The following HS6ST3 variants were observed in gnomAD, a reference collection of about 807,000 sequenced individuals.
The protein encoded by HS6ST3 is heparan-sulfate 6-O-sulfotransferase 3.
A neutral mutation model predicts 36.7 loss-of-function variants in HS6ST3; 12 were observed. The ratio of observed to expected loss-of-function variants is 0.33; its 90% CI spans 0.21 to 0.53. The LOEUF (loss-of-function observed/expected upper bound fraction) is 0.53, where lower values mean the gene tolerates loss of function less well. HS6ST3 is among the 20% of genes least tolerant of loss of function. The pLI is 0.95. For missense variants in HS6ST3, 584 were observed against 640.9 expected (o/e 0.91, Z 0.96); for synonymous variants, 240 against 257.5 (o/e 0.93, Z 0.65).
chr13:96,212,307 A>G (rs573607385), intron 1 of HS6ST3, among the ~76,000 whole-genome samples: 1 of 152,228 alleles, frequency 6.6e-6, no homozygotes, highest in Non-Finnish European at 1.5e-5. Context: ...TTCTTTTGAA[A>G]ATATCCATGA....
chr13:96,204,953 C>T (rs115741286), intron 1 of HS6ST3, among the ~76,000 whole-genome samples: 2 of 151,910 alleles, frequency 1.3e-5, no homozygotes, highest in South Asian at 2.1e-4. Context: ...CAAACAAACT[C>T]GAAATCTAGC....
chr13:96,815,969 A>G (rs1878413581), intron 1 of HS6ST3, among the ~76,000 whole-genome samples: 1 of 152,080 alleles, frequency 6.6e-6, no homozygotes, highest in Non-Finnish European at 1.5e-5. Context: ...CTGCCCTTAG[A>G]AGGGGCAGGG....
intron 1 of HS6ST3, among the ~76,000 whole-genome samples, chr13:96,315,279 A>C (rs1005968561): frequency 6.6e-6 from 1 of 152,206 alleles, no homozygotes; most frequent in Non-Finnish European, 1.5e-5. Flanking sequence ...AAGAAACCGA[A>C]GAAAGGGACT....
chr13:96,161,436 G>A (rs1386101130), intron 1 of HS6ST3, among the ~76,000 whole-genome samples: 1 of 152,156 alleles, frequency 6.6e-6, no homozygotes, highest in African/African-American at 2.4e-5. Flanking sequence ...GATGGCTAGA[G>A]GGCAGAGTTT....
At chr13:96,367,139 G>C (rs1389544492) in intron 1 of HS6ST3, among the ~76,000 whole-genome samples, 1 of 152,124 alleles carries the variant, frequency 6.6e-6, no homozygotes, top group African/African-American at 2.4e-5. Flanking sequence ...GAATAATTAT[G>C]ATTTGCATTT....
chr13:96,756,928 CT>C (rs1166210885), intron 1 of HS6ST3, among the ~76,000 whole-genome samples: 1 of 152,114 alleles, frequency 6.6e-6, no homozygotes, highest in African/African-American at 2.4e-5. Flanking sequence ...ATACACATTT[CT>C]TTTCTTACAG....
chr13:96,343,733 TTTTG>T (rs1272287613), intron 1 of HS6ST3, among the ~76,000 whole-genome samples: 1 of 152,116 alleles, frequency 6.6e-6, no homozygotes, highest in African/African-American at 2.4e-5. Context: ...AATTACAGTT[TTTTG>T]TTTGTTTGTT....
At chr13:96,267,860 T>A (rs1209996074) in intron 1 of HS6ST3, among the ~76,000 whole-genome samples, 1 of 151,868 alleles carries the variant, frequency 6.6e-6, no homozygotes, top group African/African-American at 2.4e-5. Flanking sequence ...ATTGGGCTTA[T>A]CATGTGAGGA....
intron 1 of HS6ST3, among the ~76,000 whole-genome samples, chr13:96,667,401 G>GCCC (rs1021958843): frequency 3.3e-5 from 5 of 152,120 alleles, no homozygotes; most frequent in African/African-American, 1.2e-4. Context: ...GATAAAAAAA[G>GCCC]CCCATTTGTT....
intron 1 of HS6ST3, among the ~76,000 whole-genome samples, chr13:96,732,574 TG>T (rs1876184526): frequency 6.6e-6 from 1 of 152,206 alleles, no homozygotes; most frequent in African/African-American, 2.4e-5. Flanking sequence ...TTTTGAAGTA[TG>T]GTAGTGTGAT....
intron 1 of HS6ST3, among the ~76,000 whole-genome samples, chr13:96,219,654 C>T (rs1041347921): frequency 6.6e-6 from 1 of 152,066 alleles, no homozygotes; most frequent in Non-Finnish European, 1.5e-5. Context: ...GCAACATAGG[C>T]CTGAACTCAC....
chr13:96,693,569 C>T (rs548020), intron 1 of HS6ST3, among the ~76,000 whole-genome samples: 2,278 of 152,302 alleles, frequency 0.015, 55 homozygotes, highest in African/African-American at 0.051. Flanking sequence ...TCCCAAAGTG[C>T]TGGAATTACA....
At chr13:96,236,004 GCCTGTGGCCA>G (rs1456108526) in intron 1 of HS6ST3, among the ~76,000 whole-genome samples, 1 of 152,182 alleles carries the variant, frequency 6.6e-6, no homozygotes, top group African/African-American at 2.4e-5. Flanking sequence ...GCAGCCTTCA[GCCTGTGGCCA>G]AAGGCCAGAG....
chr13:96,587,916 C>T (rs532793620), intron 1 of HS6ST3, among the ~76,000 whole-genome samples: 31 of 152,246 alleles, frequency 2.0e-4, no homozygotes, highest in Middle Eastern at 6.8e-3. Context: ...TTTGTACTAT[C>T]TTCAATTTCT....
intron 1 of HS6ST3, among the ~76,000 whole-genome samples, chr13:96,544,932 T>C (rs982005920): frequency 6.6e-6 from 1 of 152,202 alleles, no homozygotes; most frequent in South Asian, 2.1e-4. Context: ...AAGCTTGCAC[T>C]AGAAGAAATA....
At chr13:96,337,206 A>G (rs923893333) in intron 1 of HS6ST3, among the ~76,000 whole-genome samples, 2 of 152,086 alleles carry the variant, frequency 1.3e-5, no homozygotes, top group East Asian at 1.9e-4. Context: ...AGCTGTGACT[A>G]TAGGCCCCTG....
intron 1 of HS6ST3, among the ~76,000 whole-genome samples, chr13:96,593,324 C>T (rs1381395884): frequency 6.6e-6 from 1 of 150,936 alleles, no homozygotes; most frequent in Non-Finnish European, 1.5e-5. Context: ...CCTGGGATTA[C>T]AGGCGCACAC....
At chr13:96,725,691 T>A (rs1875987330) in intron 1 of HS6ST3, among the ~76,000 whole-genome samples, 2 of 152,102 alleles carry the variant, frequency 1.3e-5, no homozygotes, top group East Asian at 1.9e-4. Flanking sequence ...TGTGTGTGTG[T>A]GATTGTGTGA....
intron 1 of HS6ST3, among the ~76,000 whole-genome samples, chr13:96,363,137 ACT>A (rs1346524221): frequency 2.6e-5 from 4 of 151,930 alleles, no homozygotes; most frequent in African/African-American, 9.7e-5. Flanking sequence ...GCACACACAC[ACT>A]CACACACACC....
Sources: gnomAD v4.1 joint callset for allele counts (sites outside exome capture counted in the v4.1 genomes callset) on GRCh38, gnomAD v4.1.1 for gene constraint, MANE v1.5 for transcripts, NCBI Gene and HGNC (gene_info 2026-07-23, HGNC 2026-07-21) for gene names.